Variants in EI24 observed in about 807,000 individuals in gnomAD.
EI24 encodes EI24 autophagy associated transmembrane protein, also known as etoposide-induced protein 2.4 homolog.
In EI24, 21 loss-of-function variants were observed where a neutral mutation model predicts 48.6. The ratio of observed to expected loss-of-function variants is 0.43; its 90% CI spans 0.31 to 0.62. The LOEUF (loss-of-function observed/expected upper bound fraction) is 0.62. Among genes scored for constraint, EI24 ranks in the 20% least tolerant of loss-of-function variants. The pLI is 0.10. For synonymous variants in EI24, 114 were observed against 145.5 expected, an observed-to-expected ratio of 0.78 and a Z score of 1.56; for missense variants, 280 against 410.5, an observed-to-expected ratio of 0.68 and a Z score of 2.75.
intron 5 of EI24, 117 bp from the exon 6 acceptor site, chr11:125,578,016 G>A: frequency 8.1e-7 from 1 of 1,241,868 alleles, no homozygotes; most frequent in Non-Finnish European, 1.1e-6. Flanking sequence ...GTGATGTGCT[G>A]GCAAGAACTA....
intron 7 of EI24, 103 bp from the exon 8 acceptor site, chr11:125,579,990 A>G: frequency 1.1e-6 from 1 of 923,904 alleles, no homozygotes; most frequent in Non-Finnish European, 1.8e-6. Flanking sequence ...GAAACTTGAG[A>G]AGCAGCTAGG....
intron 1 of EI24, chr11:125,570,323 T>C (rs1187333627): frequency 6.6e-6 from 1 of 152,226 alleles, no homozygotes; most frequent in African/African-American, 2.4e-5. Context: ...TTCATCTGTC[T>C]AGCTCAGCTG....
rs767996205 is a variant in EI24, at chr11:125,580,144, C to A, written c.613C>A (p.Leu205Ile). Residue 205 changes from leucine to isoleucine, a missense_variant, in exon 8 of 11, where the codon CTC becomes ATC. This residue lies in a region of EI24 where 204 missense variants were observed against 294.1 expected (regional missense o/e 0.69). Transcript: ENST00000278903. ...PIHLVGQLVS[L>I]LHMSLLYSLY... ...CCATCTTGTCGGTCAGCTGGTTAGT[C>A]TCCTGCATATGTCCCTTCTCTACTC... 31 of 1,613,806 alleles carry A rather than the reference C, an allele frequency of 1.9e-5. No individual in the cohort carries two copies. The highest frequency in any genetic ancestry group is 2.5e-5 in the Non-Finnish European group (30 of 1,179,824).
intron 2 of EI24, chr11:125,574,754 A>G (rs1938667182): frequency 6.6e-6 from 1 of 152,530 alleles, no homozygotes; most frequent in Non-Finnish European, 1.5e-5. Context: ...TAAAATTGGA[A>G]CAATACAGAG....
intron 1 of EI24, among the ~76,000 whole-genome samples, chr11:125,571,312 A>G (rs1938526046): frequency 6.6e-6 from 1 of 152,216 alleles, no homozygotes; most frequent in Non-Finnish European, 1.5e-5. Context: ...CAGGTTCTTA[A>G]AAAATGCCTG....
intron 2 of EI24, among the ~76,000 whole-genome samples, chr11:125,574,168 G>A (rs1015263337): frequency 5.9e-5 from 9 of 151,668 alleles, no homozygotes; most frequent in Non-Finnish European, 1.3e-4. Flanking sequence ...CAGGAGAATC[G>A]TTTGAACCTG....
Position 125,572,516 on chromosome 11 carries a change from G to C in EI24, c.-12G>C, listed in dbSNP as rs1938569442. 1.2e-6 allele frequency: 2 copies of C among 1,613,386 alleles called. No individual in the cohort carries two copies. Among genetic ancestry groups the C allele is most frequent in the African/African-American group, 2.7e-5 (2 of 74,922 alleles). ...CTCTCCTGTGTGTAGTTGATAGTTT[G>C]GTGGTGAAGAGATGGCTGACAGTGT... On this transcript the variant is annotated 5_prime_UTR_variant, in exon 2 of 11. Transcript: ENST00000278903.
chr11:125,577,603 G>T (rs1198036254), intron 5 of EI24, 33 bp downstream of exon 5: 1 of 1,561,704 alleles, frequency 6.4e-7, no homozygotes, highest in Non-Finnish European at 8.8e-7. Flanking sequence ...GTCTGTTGGG[G>T]ACAGAGTGGG....
chr11:125,579,975 T>G (rs913326639), intron 7 of EI24, 118 bp from the exon 8 acceptor site: 14 of 828,886 alleles, frequency 1.7e-5, no homozygotes, highest in Middle Eastern at 6.1e-4. Flanking sequence ...GCACTCGGCC[T>G]TTTAGAAACT....
In EI24 at chr11:125,572,562, T is replaced by C. The variant is rs1248055655; in HGVS notation, c.35T>C (p.Leu12Pro). The C allele has an allele frequency of 6.2e-7, 1 of 1,613,576 alleles. No individual in the cohort carries two copies. The highest frequency in any genetic ancestry group is 8.5e-7 in the Non-Finnish European group (1 of 1,179,800). ...AGTGTCAAAACCTTTCTCCAGGACC[T>C]TGCCAGAGTGAGTACATCTTGTTTA... ...ADSVKTFLQD[L>P]ARGIKDSIWG... Residue 12 changes from leucine (L) to proline (P), a missense_variant, in exon 2 of 11, where the codon CTT becomes CCT. Leu to Pro is a moderately conservative substitution (Grantham distance 98, BLOSUM62 -3). This residue lies in a region of EI24 where 204 missense variants were observed against 294.1 expected (regional missense o/e 0.69). Transcript: ENST00000278903.
At chr11:125,577,722 C>T (rs1194605223) in intron 5 of EI24, 152 bp downstream of exon 5, 21 of 663,684 alleles carry the variant, frequency 3.2e-5, no homozygotes, top group Admixed American at 1.4e-4. Context: ...ATTTATATTT[C>T]GTTATTCTCC....
intron 6 of EI24, among the ~76,000 whole-genome samples, chr11:125,578,720 G>A (rs1938860208): frequency 6.6e-6 from 1 of 152,072 alleles, no homozygotes; most frequent in East Asian, 1.9e-4. Context: ...GCCTGCCTCG[G>A]CCTCCCAAAG....
rs183284349 is a variant in EI24, at chr11:125,578,350, G to A, written c.441+93G>A. ...CTGTGAAGTTAGTGGGCATGTAGGG[G>A]GACCTGTTTTTCAGCCTTAATGTTT... On this transcript the variant is annotated intron_variant, in intron 6 of 10. Transcript: ENST00000278903. The A allele has an allele frequency of 2.5e-5, 39 of 1,541,434 alleles. No individual in the cohort carries two copies. In the African/African-American group the frequency reaches 5.2e-4, roughly 21 times the overall value.
At chr11:125,578,672 T>C (rs997443135) in intron 6 of EI24, among the ~76,000 whole-genome samples, 4 of 151,942 alleles carry the variant, frequency 2.6e-5, no homozygotes, top group African/African-American at 9.7e-5. Flanking sequence ...TTTCACCATG[T>C]TGGCCAGGCT....
chr11:125,579,351 AT>A (rs562498961), intron 7 of EI24, among the ~76,000 whole-genome samples: 2,431 of 144,022 alleles, frequency 0.017, 35 homozygotes, highest in African/African-American at 0.039. Context: ...GTTATGCCTA[AT>A]TTTTTTTTTT....
rs993103972 is a variant in EI24, at chr11:125,581,040, G to A, written c.674-171G>A. ...TGCAGTGAGCTGAGATTGCACCACC[G>A]CACTCCCGCCTGGGCATCAAAGCAA... On this transcript the variant is annotated intron_variant, in intron 8 of 10. Coordinates refer to ENST00000278903, the MANE Select transcript of EI24 (RefSeq NM_004879.5). 1.7e-5 allele frequency: 3 copies of A among 175,818 alleles called. No individual in the cohort carries two copies. The South Asian group carries it at 5.8e-4, about 34-fold the overall frequency. The allele number at this position is 175,818 out of a possible 1,614,324, so 10.9% of individuals were successfully genotyped here.
chr11:125,577,999 A>G, intron 5 of EI24, 134 bp from the exon 6 acceptor site: 1 of 966,382 alleles, frequency 1.0e-6, no homozygotes, highest in Admixed American at 2.4e-5. Context: ...TCTTTGAGAT[A>G]GGTATAGTGA....
chr11:125,577,921 G>A (rs1205891970), intron 5 of EI24: 5 of 622,602 alleles, frequency 8.0e-6, no homozygotes, highest in Non-Finnish European at 1.4e-5. Context: ...GTGTCAAGCA[G>A]CACATATCTA....
chr11:125,581,311 A>C lies in EI24; in HGVS notation c.774A>C (p.Ser258=), dbSNP rs750009379. 38 of 1,602,994 alleles carry C rather than the reference A, an allele frequency of 2.4e-5. No homozygotes were observed. Among genetic ancestry groups the C allele is most frequent in the Non-Finnish European group, 3.2e-5 (38 of 1,172,600 alleles). ...CTTTTCTCACAGCAATGCAGTCCTC[A>C]TATATTATCAGGTAATTTGGCTACA... The part of the protein sequence containing the change: ...PLAFLTAMQS[S]YIISGCLFSI... The change falls in exon 9 of 11, where the codon TCA becomes TCC. Residue 258 remains serine, a synonymous_variant. Transcript: ENST00000278903.
Sources: allele counts gnomAD v4.1 joint callset (sites outside exome capture counted in the v4.1 genomes callset), GRCh38; gene constraint gnomAD v4.1.1; regional missense constraint gnomAD v4.1.1; transcripts MANE v1.5; gene names NCBI Gene and HGNC (gene_info 2026-07-23, HGNC 2026-07-21).